Variants in RETSAT observed in about 807,000 individuals in gnomAD.
RETSAT encodes the protein retinol saturase.
A neutral mutation model predicts 61.6 loss-of-function variants in RETSAT; 35 were observed. The observed-to-expected ratio is 0.57, with a 90% CI of 0.43 to 0.75. RETSAT has a LOEUF of 0.75. Among genes scored for constraint, RETSAT ranks in the 30% least tolerant of loss-of-function variants. RETSAT has a pLI of 0.00. For missense variants in RETSAT, 670 were observed against 759.5 expected, an observed-to-expected ratio of 0.88 and a Z score of 1.38; for synonymous variants, 277 against 310.4, an observed-to-expected ratio of 0.89 and a Z score of 1.13.
chr2:85,345,447 G>C (rs1418540880), intron 6 of RETSAT: 2 of 256,846 alleles, frequency 7.8e-6, no homozygotes, highest in African/African-American at 2.2e-5. Flanking sequence ...ACCATATCCG[G>C]AGCTACTCCA....
At chr2:85,352,216 G>A (rs941710166) in intron 1 of RETSAT, among the ~76,000 whole-genome samples, 3 of 151,820 alleles carry the variant, frequency 2.0e-5, no homozygotes, top group Non-Finnish European at 4.4e-5. Context: ...CACCATGCCG[G>A]GCCATTTTAT....
intron 1 of RETSAT, among the ~76,000 whole-genome samples, chr2:85,353,721 A>T (rs913897302): frequency 1.3e-5 from 2 of 152,228 alleles, no homozygotes; most frequent in African/African-American, 4.8e-5. Context: ...GACTCCGTAG[A>T]TCAAACAGGT....
Position 85,344,732 on chromosome 2 carries a change from C to T in RETSAT, c.1118G>A (p.Gly373Asp), listed in dbSNP as rs1418651570. 1 of 1,613,828 alleles carries T rather than the reference C, an allele frequency of 6.2e-7. No individual in the cohort carries two copies. Among genetic ancestry groups the T allele is most frequent in the African/African-American group, 1.3e-5 (1 of 74,950 alleles). ...LLPGNARCLP[G>D]VKQQLGTVRP... is the part of the protein sequence containing the mutation. ...CACCGTCCCCAGTTGCTGCTTCACA[C>T]CTGCCAGGGGGAGTGGTTGGTGCCT... is the stretch of plus-strand genomic sequence containing the variant. Residue 373 changes from glycine (G) to aspartate (D), a missense_variant and splice_region_variant, in exon 7 of 11, where the codon GGT (glycine) becomes GAT (aspartate). Transcript: ENST00000295802.
chr2:85,350,897 C>A lies in RETSAT; in HGVS notation c.480G>T (p.Gly160=). Residue 160 remains glycine (G), a synonymous_variant, in exon 3 of 11, where the codon GGG becomes GGT. Transcript: ENST00000295802. ...TGGGGTACTCCTTTCGGCCATTGGG[C>A]CCTTCCAGTACCATGATGTCAAAAG... ...SSPFDIMVLE[G]PNGRKEYPMY... is the part of the protein sequence containing the mutation. 1 of 1,614,196 alleles carries A rather than the reference C, an allele frequency of 6.2e-7. No homozygotes were observed. The highest frequency in any genetic ancestry group is 8.5e-7 in the Non-Finnish European group (1 of 1,180,050).
rs1056012655 is a variant in RETSAT, at chr2:85,344,347, T to A, written c.1258A>T (p.Met420Leu). 3.1e-6 allele frequency: 5 copies of A among 1,613,722 alleles called. No homozygotes were observed. The highest frequency in any genetic ancestry group is 4.2e-6 in the Non-Finnish European group (5 of 1,179,808). ...CTGGGCATGGAGACGTAGCGCTCCA[T>A]CCTGCATGTGACAAGAGTGTGGTGG... The part of the protein sequence containing the change: ...VYYDTDMDQA[M>L]ERYVSMPREE... The change falls in exon 8 of 11, where the codon ATG becomes TTG. Residue 420 changes from methionine to leucine, a missense_variant and splice_region_variant. Met to Leu is a conservative substitution (Grantham distance 15). Transcript: ENST00000295802.
Position 85,350,797 on chromosome 2 carries a change from A to G in RETSAT, c.580T>C (p.Tyr194His), listed in dbSNP as rs748193450. 1 of 1,614,176 alleles carries G rather than the reference A, an allele frequency of 6.2e-7. No individual in the cohort carries two copies. Among genetic ancestry groups the G allele is most frequent in the Non-Finnish European group, 8.5e-7 (1 of 1,180,020 alleles). The change falls in exon 3 of 11, where the codon TAT becomes CAT. Residue 194 changes from tyrosine to histidine, a missense_variant. Coordinates refer to ENST00000295802, the MANE Select transcript of RETSAT (RefSeq NM_017750.4). The part of the protein sequence containing the change: ...FPQEEAIIDK[Y>H]IKLVKVVSSG... ...CATGTTACCTTAACCAGCTTTATAT[A>G]CTTGTCAATGATAGCTTCCTCCTGT...
At chr2:85,351,298 G>C (rs1683295559) in intron 2 of RETSAT, 2 of 489,238 alleles carry the variant, frequency 4.1e-6, no homozygotes, top group Non-Finnish European at 7.4e-6. Context: ...GGCAGAGGGA[G>C]GTGGATCACT....
Position 85,350,827 on chromosome 2 carries a change from A to G in RETSAT, c.550T>C (p.Phe184Leu), listed in dbSNP as rs1201071625. The G allele has an allele frequency of 6.2e-7, 1 of 1,614,134 alleles. No homozygotes were observed. The change falls in exon 3 of 11, where the codon TTT becomes CTT. Residue 184 changes from phenylalanine (F) to leucine (L), a missense_variant. Transcript: ENST00000295802. The stretch of plus-strand genomic sequence containing the variant: ...TCAATGATAGCTTCCTCCTGTGGAA[A>G]CTTCTCCTTGAGGCCCTGAATGTAG... ...KAYIQGLKEK[F>L]PQEEAIIDKY...
chr2:85,348,750 TTTTCC>T lies in RETSAT; in HGVS notation c.997+629_997+633del, dbSNP rs1308696530. Among the ~76,000 whole-genome samples the T allele has an allele frequency of 1.4e-4, 22 of 151,946 alleles. No individual in the cohort carries two copies. The South Asian group carries it at 4.4e-3, about 30-fold the overall frequency. The stretch of plus-strand genomic sequence containing the variant: ...CATGCAATCCTTTATTTTTCTTTTC[TTTTCC>T]TTTCTTTTTTTTTGAGATGGCGTCT... On this transcript the variant is annotated intron_variant, in intron 5 of 10. Coordinates refer to ENST00000295802, the MANE Select transcript of RETSAT (RefSeq NM_017750.4).
At chr2:85,353,617 G>GT (rs1683358392) in intron 1 of RETSAT, among the ~76,000 whole-genome samples, 1 of 152,238 alleles carries the variant, frequency 6.6e-6, no homozygotes, top group Non-Finnish European at 1.5e-5. Flanking sequence ...GTTCTCAGAA[G>GT]TCCAGATGAT....
chr2:85,344,354 T>A lies in RETSAT; in HGVS notation c.1257-6A>T. On this transcript the variant is annotated splice_polypyrimidine_tract_variant and splice_region_variant and intron_variant, in intron 7 of 10. Transcript: ENST00000295802. ...TGGAGACGTAGCGCTCCATCCTGCA[T>A]GTGACAAGAGTGTGGTGGGATCTCC... 1.2e-6 allele frequency: 2 copies of A among 1,613,660 alleles called. No homozygotes were observed. Among genetic ancestry groups the A allele is most frequent in the East Asian group, 2.2e-5 (1 of 44,854 alleles).
intron 5 of RETSAT, among the ~76,000 whole-genome samples, chr2:85,347,421 G>A (rs982510677): frequency 2.6e-5 from 4 of 152,112 alleles, no homozygotes; most frequent in Non-Finnish European, 5.9e-5. Flanking sequence ...TAAAGACAGG[G>A]TTTCACTATA....
intron 1 of RETSAT, among the ~76,000 whole-genome samples, chr2:85,354,072 G>C (rs1212087791): frequency 6.6e-6 from 1 of 152,230 alleles, no homozygotes; most frequent in Non-Finnish European, 1.5e-5. Context: ...ATTACAAGTG[G>C]CAGGGCGGGT....
rs779920353 is a variant in RETSAT at position 85,350,795 on chromosome 2, A to T, written c.582T>A (p.Tyr194Ter). ...FPQEEAIIDK[Y>*]IKLVKVVSSG... is the part of the protein sequence containing the mutation. Reference sequence around the variant, plus strand: ...TCCATGTTACCTTAACCAGCTTTATATACTTGTCAATGATAGCTTCCTCCT... The same window carrying T: ...TCCATGTTACCTTAACCAGCTTTATTTACTTGTCAATGATAGCTTCCTCCT... Residue 194 changes from tyrosine to a stop codon, truncating the protein, a stop_gained, in exon 3 of 11, where the codon TAT becomes TAA. Transcript: ENST00000295802. LOFTEE classifies it high-confidence loss of function. The T allele has an allele frequency of 6.2e-7, 1 of 1,614,196 alleles. No individual in the cohort carries two copies. Among genetic ancestry groups the T allele is most frequent in the East Asian group, 2.2e-5 (1 of 44,890 alleles).
Position 85,351,858 on chromosome 2 carries a change from A to G in RETSAT, c.177T>C (p.Phe59=). The change falls in exon 2 of 11, where the codon TTT becomes TTC. Residue 59 remains phenylalanine, a synonymous_variant. Coordinates refer to ENST00000295802, the MANE Select transcript of RETSAT (RefSeq NM_017750.4). ...EARKKVLKQA[F]SANQVPEKLD... ...GCTTCTCCGGCACTTGGTTGGCTGA[A>G]AAAGCTACAGCAGAAGGGCCAAAGG... 1.2e-6 allele frequency: 2 copies of G among 1,613,644 alleles called. No individual in the cohort carries two copies. Among genetic ancestry groups the G allele is most frequent in the South Asian group, 2.2e-5 (2 of 91,070 alleles).
At chr2:85,343,611 T>G (rs540102457) in intron 10 of RETSAT, 28 bp downstream of exon 10, 1 of 1,613,156 alleles carries the variant, frequency 6.2e-7, no homozygotes, top group African/African-American at 1.3e-5. Flanking sequence ...GGGTCTCAGG[T>G]CCTGACAACA....
At chr2:85,351,323 C>T (rs768757575) in intron 2 of RETSAT, 54 of 454,400 alleles carry the variant, frequency 1.2e-4, no homozygotes, top group Non-Finnish European at 1.9e-4. Flanking sequence ...GTCAGGAGTT[C>T]GAGACCAGCC....
At position 85,352,421 on chromosome 2, in the gene RETSAT, T is replaced by A. The variant is rs542303281; in HGVS notation, c.173-559A>T. On this transcript the variant is annotated intron_variant, in intron 1 of 10. Transcript: ENST00000295802. ...ACCACGCCCGGCTAATTTTTTTTTTTAATATTTTTTAGTAGAGATGGGGTT... is the reference window on the plus strand; with the variant it reads ...ACCACGCCCGGCTAATTTTTTTTTTAAATATTTTTTAGTAGAGATGGGGTT... 3.6e-3 allele frequency among the ~76,000 whole-genome samples: 543 copies of A among 152,030 alleles called. 5 individuals carry two copies. The highest frequency in any genetic ancestry group is 0.012 in the African/African-American group (517 of 41,436).
Position 85,351,134 on chromosome 2 carries a change from A to C in RETSAT, c.356-113T>G, listed in dbSNP as rs981372766. The C allele has an allele frequency of 1.8e-4, 232 of 1,284,516 alleles. 2 individuals are homozygous for C. In the East Asian group the frequency reaches 5.4e-3, roughly 30 times the overall value. The allele number at this position is 1,284,516 out of a possible 1,614,324, so 79.6% of individuals were successfully genotyped here. Reference sequence around the variant, plus strand: ...ATCTGGCCTGGCCAAGTTCACGCCCAGAGTGAGCTGCTCACTCTGTCTGTA... The same window carrying C: ...ATCTGGCCTGGCCAAGTTCACGCCCCGAGTGAGCTGCTCACTCTGTCTGTA... On this transcript the variant is annotated intron_variant, in intron 2 of 10. Transcript: ENST00000295802.
Sources: gnomAD v4.1 joint callset for allele counts (sites outside exome capture counted in the v4.1 genomes callset) on GRCh38, gnomAD v4.1.1 for gene constraint, MANE v1.5 for transcripts, NCBI Gene and HGNC (gene_info 2026-07-23, HGNC 2026-07-21) for gene names.